The following KLHL32 variants were observed in gnomAD, a reference collection of about 807,000 sequenced individuals.
KLHL32 encodes the protein kelch-like protein 32.
Under a neutral mutation model 64.8 loss-of-function variants are expected in KLHL32, and 35 were observed. The observed-to-expected ratio is 0.54, with a 90% CI of 0.41 to 0.72. The LOEUF (loss-of-function observed/expected upper bound fraction) is 0.72. Among genes scored for constraint, KLHL32 ranks in the 30% least tolerant of loss-of-function variants. The pLI, the probability that KLHL32 is intolerant of heterozygous loss-of-function variation, is 0.00. For synonymous variants in KLHL32, 259 were observed against 281.0 expected (o/e 0.92, Z 0.78); for missense variants, 589 against 768.5 (o/e 0.77, Z 2.76).
At chr6:97,031,877 G>A (rs1289384324) in intron 3 of KLHL32, among the ~76,000 whole-genome samples, 4 of 152,148 alleles carry the variant, frequency 2.6e-5, no homozygotes, top group Non-Finnish European at 5.9e-5. Context: ...CTCAGCTCTC[G>A]TTTCAATTGG....
intron 10 of KLHL32, among the ~76,000 whole-genome samples, chr6:97,134,248 T>C (rs1388689805): frequency 6.6e-6 from 1 of 151,964 alleles, no homozygotes; most frequent in African/African-American, 2.4e-5. Flanking sequence ...GAAACAATAA[T>C]ACAGGAGAAA....
chr6:97,087,616 A>G (rs955188199), intron 6 of KLHL32, among the ~76,000 whole-genome samples: 1 of 152,230 alleles, frequency 6.6e-6, no homozygotes, highest in Non-Finnish European at 1.5e-5. Flanking sequence ...AGGACAGGTA[A>G]TAGAAAACTG....
chr6:97,119,907 T>C (rs1192201400), intron 7 of KLHL32, among the ~76,000 whole-genome samples: 1 of 151,952 alleles, frequency 6.6e-6, no homozygotes, highest in African/African-American at 2.4e-5. Context: ...GGGGAGTTGG[T>C]TGAGAAAAGG....
At chr6:96,925,639 G>A (rs1458555109) in intron 1 of KLHL32, among the ~76,000 whole-genome samples, 1 of 152,064 alleles carries the variant, frequency 6.6e-6, no homozygotes, top group Non-Finnish European at 1.5e-5. Context: ...TAAATTAAAA[G>A]CAGATGATTT....
chr6:96,952,751 T>C (rs768887509), intron 1 of KLHL32, among the ~76,000 whole-genome samples: 4 of 152,204 alleles, frequency 2.6e-5, no homozygotes, highest in Non-Finnish European at 4.4e-5. Flanking sequence ...GATCACAAGA[T>C]TTGTGACTTC....
intron 4 of KLHL32, among the ~76,000 whole-genome samples, chr6:97,059,836 T>G (rs1013145014): frequency 6.6e-6 from 1 of 152,206 alleles, no homozygotes; most frequent in Non-Finnish European, 1.5e-5. Flanking sequence ...TGCTGTTGTA[T>G]CCAGTTCATT....
At chr6:97,012,653 G>A (rs1780560798) in intron 3 of KLHL32, among the ~76,000 whole-genome samples, 1 of 152,166 alleles carries the variant, frequency 6.6e-6, no homozygotes, top group Non-Finnish European at 1.5e-5. Flanking sequence ...CATAATTTTT[G>A]TGAATTTTCA....
At chr6:96,992,983 T>C (rs1289741661) in intron 3 of KLHL32, among the ~76,000 whole-genome samples, 1 of 152,192 alleles carries the variant, frequency 6.6e-6, no homozygotes, top group East Asian at 1.9e-4. Context: ...AAGATGAAAA[T>C]TCACTGACTT....
intron 6 of KLHL32, among the ~76,000 whole-genome samples, chr6:97,111,236 G>A (rs113005829): frequency 1.5e-4 from 23 of 152,340 alleles, no homozygotes; most frequent in African/African-American, 5.5e-4. Flanking sequence ...AGATGGCAGT[G>A]TTGCATCCTG....
At position 96,934,334 on chromosome 6, in the gene KLHL32, G is replaced by A. The variant is rs186906740; in HGVS notation, c.-66+9308G>A. On this transcript the variant is annotated intron_variant, in intron 1 of 10. Transcript: ENST00000369261. The stretch of plus-strand genomic sequence containing the variant: ...TAATTATGGTGATAGGTCTACTTTG[G>A]GAGATGTGGTCTAGAGTGCAGTGAG... 5.3e-5 allele frequency among the ~76,000 whole-genome samples: 8 copies of A among 152,256 alleles called. No individual in the cohort carries two copies. The East Asian group carries it at 1.5e-3, about 29-fold the overall frequency.
chr6:97,100,966 CTTTTT>C (rs58422496), intron 6 of KLHL32, among the ~76,000 whole-genome samples: 30 of 69,466 alleles, frequency 4.3e-4, no homozygotes, highest in East Asian at 1.8e-3. Context: ...TGCAGCCAAG[CTTTTT>C]TTTTTTTTTT....
intron 4 of KLHL32, among the ~76,000 whole-genome samples, chr6:97,059,043 G>T (rs77501070): frequency 6.6e-6 from 1 of 152,154 alleles, no homozygotes; most frequent in African/African-American, 2.4e-5. Context: ...AGTTGATTCT[G>T]TCAGCAAGTG....
At chr6:97,065,103 AT>A (rs1272870140) in intron 5 of KLHL32, among the ~76,000 whole-genome samples, 2 of 152,208 alleles carry the variant, frequency 1.3e-5, no homozygotes, top group African/African-American at 2.4e-5. Context: ...GAAAAGTCTA[AT>A]AGTCATTGAA....
At chr6:97,073,722 G>A (rs1301021650) in intron 5 of KLHL32, among the ~76,000 whole-genome samples, 1 of 151,994 alleles carries the variant, frequency 6.6e-6, no homozygotes, top group Non-Finnish European at 1.5e-5. Context: ...TAAAAACTGT[G>A]TATTTATTTA....
At chr6:96,928,359 G>T (rs527359716) in intron 1 of KLHL32, among the ~76,000 whole-genome samples, 2 of 152,294 alleles carry the variant, frequency 1.3e-5, no homozygotes, top group South Asian at 4.1e-4. Flanking sequence ...TAATATTGAT[G>T]AGCTTACTGT....
At position 97,056,273 on chromosome 6, in the gene KLHL32, T is replaced by C. The variant is rs1440324555; in HGVS notation, c.313-8355T>C. On this transcript the variant is annotated intron_variant, in intron 4 of 10. Transcript: ENST00000369261. The stretch of plus-strand genomic sequence containing the variant: ...GGCGCCCGCCACCACGCCCGGCTAA[T>C]TTTTTGTATTTTTAGTAGAGTCGGG... 2.0e-5 allele frequency among the ~76,000 whole-genome samples: 3 copies of C among 151,928 alleles called. No individual in the cohort carries two copies. In the East Asian group the frequency reaches 5.8e-4, roughly 30 times the overall value.
intron 2 of KLHL32, 61 bp from the exon 3 acceptor site, chr6:96,975,936 A>G: frequency 7.3e-7 from 1 of 1,368,804 alleles, no homozygotes. Context: ...GGAATGAGAG[A>G]GCAGCTGGCC....
intron 4 of KLHL32, among the ~76,000 whole-genome samples, chr6:97,046,328 A>G (rs1041102510): frequency 1.3e-5 from 2 of 152,222 alleles, no homozygotes; most frequent in Non-Finnish European, 2.9e-5. Context: ...TTTTGGCCCA[A>G]TTAGTCAAAC....
At chr6:96,976,277 C>A in intron 3 of KLHL32, 100 bp downstream of exon 3, 1 of 1,142,016 alleles carries the variant, frequency 8.8e-7, no homozygotes. Flanking sequence ...GGTGGTACCC[C>A]CAGAGCTGAA....
Sources: gnomAD v4.1 joint callset for allele counts (sites outside exome capture counted in the v4.1 genomes callset) on GRCh38, gnomAD v4.1.1 for gene constraint, MANE v1.5 for transcripts, NCBI Gene and HGNC (gene_info 2026-07-23, HGNC 2026-07-21) for gene names.